POP1: variants seen among roughly 807,000 people sequenced by gnomAD.
POP1 encodes the protein ribonucleases P/MRP protein subunit POP1.
Under a neutral mutation model 102.2 loss-of-function variants are expected in POP1, and 75 were observed. The ratio of observed to expected loss-of-function variants is 0.73; its 90% CI spans 0.61 to 0.89. The LOEUF (loss-of-function observed/expected upper bound fraction) is 0.89. POP1 is among the 40% of genes least tolerant of loss of function. POP1 has a pLI of 0.00. For missense variants in POP1, 1,116 were observed against 1,267.4 expected, an observed-to-expected ratio of 0.88 and a Z score of 1.81; for synonymous variants, 436 against 464.1, an observed-to-expected ratio of 0.94 and a Z score of 0.78.
At chr8:98,120,480 T>A (rs1183710656) in intron 1 of POP1, among the ~76,000 whole-genome samples, 1 of 152,210 alleles carries the variant, frequency 6.6e-6, no homozygotes, top group African/African-American at 2.4e-5. Flanking sequence ...TTTGTTCATT[T>A]TTTTATTTTG....
chr8:98,140,640 A>G (rs1048979997), intron 10 of POP1, 129 bp from the exon 11 acceptor site: 4 of 890,428 alleles, frequency 4.5e-6, no homozygotes, highest in Non-Finnish European at 7.2e-6. Context: ...GAAGAGAGGG[A>G]ATACATGTTT....
At chr8:98,125,007 A>G (rs1202986190) in intron 2 of POP1, among the ~76,000 whole-genome samples, 1 of 152,180 alleles carries the variant, frequency 6.6e-6, no homozygotes, top group Non-Finnish European at 1.5e-5. Flanking sequence ...CTAGATTCAG[A>G]TCCTACAGTT....
In POP1 at chr8:98,134,631, G is replaced by C. The variant is rs1375224382; in HGVS notation, c.983G>C (p.Trp328Ser). The change falls in exon 7 of 16, where the codon TGG becomes TCG. Residue 328 changes from tryptophan (W) to serine (S), a missense_variant. Physicochemically the swap from Trp to Ser is radical, Grantham distance 177 (BLOSUM62 -3). Transcript: ENST00000401707. ...PGDPSESRQL[W>S]IWLHPTLKQD... ...GACCCTTCTGAGAGCAGGCAGCTGT[G>C]GATCTGGCTGCATCCAACCCTTAAA... 6.2e-7 allele frequency: 1 copy of C among 1,613,706 alleles called. No individual in the cohort carries two copies. The highest frequency in any genetic ancestry group is 2.2e-5 in the East Asian group (1 of 44,890).
chr8:98,124,179 G>A (rs1816123396), intron 2 of POP1, among the ~76,000 whole-genome samples: 1 of 152,208 alleles, frequency 6.6e-6, no homozygotes, highest in African/African-American at 2.4e-5. Context: ...GCAGCCTCAT[G>A]CAGGTCACTT....
chr8:98,121,489 A>G (rs1816017820), intron 1 of POP1, among the ~76,000 whole-genome samples: 1 of 147,794 alleles, frequency 6.8e-6, no homozygotes, highest in South Asian at 2.2e-4. Flanking sequence ...TACCTAATTT[A>G]TATAAAATTA....
chr8:98,130,956 C>A (rs1215109220), intron 5 of POP1, among the ~76,000 whole-genome samples: 1 of 152,222 alleles, frequency 6.6e-6, no homozygotes, highest in African/African-American at 2.4e-5. Flanking sequence ...TCTTCCAATA[C>A]ATACTTAGAC....
chr8:98,119,081 A>C (rs1815937769), intron 1 of POP1, among the ~76,000 whole-genome samples: 1 of 152,156 alleles, frequency 6.6e-6, no homozygotes, highest in South Asian at 2.1e-4. Context: ...AAGATGACAA[A>C]ATTCTTATTC....
Position 98,158,984 on chromosome 8 carries a change from G to T in POP1, c.*713G>T, listed in dbSNP as rs953573423. The T allele has an allele frequency of 2.0e-5, 3 of 152,028 alleles. No individual in the cohort carries two copies. The highest frequency in any genetic ancestry group is 7.2e-5 in the African/African-American group (3 of 41,382). The allele number at this position is 152,028 out of a possible 1,614,324, so 9.4% of individuals were successfully genotyped here. On this transcript the variant is annotated 3_prime_UTR_variant, in exon 16 of 16. Coordinates refer to ENST00000401707, the MANE Select transcript of POP1 (RefSeq NM_001145860.2). ...ATTATTATTATTTTGTTTCTGCAAA[G>T]ATTTTCTCAAAGCCATAGAGGAGCA...
intron 3 of POP1, 67 bp from the exon 4 acceptor site, chr8:98,128,298 C>T: frequency 6.7e-7 from 1 of 1,496,504 alleles, no homozygotes; most frequent in Non-Finnish European, 9.3e-7. Context: ...GTTTCCCCAG[C>T]AGCCTGTTTA....
At chr8:98,148,743 T>C in intron 12 of POP1, 72 bp from the exon 13 acceptor site, 2 of 1,334,044 alleles carry the variant, frequency 1.5e-6, no homozygotes, top group Non-Finnish European at 2.1e-6. Flanking sequence ...CTAAAGCTGC[T>C]TATAGGGAGA....
In POP1 at chr8:98,146,580, T is replaced by G; in HGVS notation, c.1607T>G (p.Val536Gly). 6.2e-7 allele frequency: 1 copy of G among 1,613,514 alleles called. No homozygotes were observed. Among genetic ancestry groups the G allele is most frequent in the Non-Finnish European group, 8.5e-7 (1 of 1,179,424 alleles). ...NPEKCQDNEK[V>G]RQLLLEGVPV... ...TTTTCCCTCTTAGATAATGAGAAAG[T>G]TAGACAGCTGCTTCTGGAGGGTGTG... The change falls in exon 12 of 16, where the codon GTT becomes GGT. Residue 536 changes from valine (V) to glycine (G), a missense_variant. Val to Gly is a moderately radical substitution (Grantham distance 109). Coordinates refer to ENST00000401707, the MANE Select transcript of POP1 (RefSeq NM_001145860.2).
intron 1 of POP1, among the ~76,000 whole-genome samples, chr8:98,118,553 G>C (rs1815916221): frequency 6.6e-6 from 1 of 152,084 alleles, no homozygotes; most frequent in Non-Finnish European, 1.5e-5. Flanking sequence ...AGCATCTCAA[G>C]TAGTTGGGAT....
chr8:98,132,084 T>C (rs2130594122), intron 5 of POP1, among the ~76,000 whole-genome samples: 1 of 152,350 alleles, frequency 6.6e-6, no homozygotes. Context: ...AGATATTTTC[T>C]CTAAAATTTG....
At chr8:98,154,163 G>A (rs915137647) in intron 14 of POP1, among the ~76,000 whole-genome samples, 4 of 152,232 alleles carry the variant, frequency 2.6e-5, no homozygotes, top group African/African-American at 9.6e-5. Flanking sequence ...TCTGTAAGAT[G>A]TAGAGGGCAC....
At chr8:98,146,809 G>A in intron 12 of POP1, 126 bp downstream of exon 12, 1 of 739,956 alleles carries the variant, frequency 1.4e-6, no homozygotes, top group Admixed American at 2.0e-5. Flanking sequence ...TTTCAAACAA[G>A]TTGTTGATCC....
chr8:98,142,374 G>C (rs771488805), intron 11 of POP1, among the ~76,000 whole-genome samples: 36 of 152,192 alleles, frequency 2.4e-4, no homozygotes, highest in Non-Finnish European at 2.1e-4. Context: ...TTTTAAAAGG[G>C]AAGGTACATG....
intron 14 of POP1, among the ~76,000 whole-genome samples, chr8:98,152,675 A>T (rs538046970): frequency 2.0e-5 from 3 of 152,376 alleles, no homozygotes; most frequent in African/African-American, 7.2e-5. Flanking sequence ...ACAGCAGGCC[A>T]CATTTGGCTT....
chr8:98,122,426 G>T (rs962154742), intron 1 of POP1, among the ~76,000 whole-genome samples: 1 of 152,152 alleles, frequency 6.6e-6, no homozygotes, highest in Non-Finnish European at 1.5e-5. Context: ...AATACCAGCT[G>T]CTCTGAGCTT....
intron 8 of POP1, 43 bp from the exon 9 acceptor site, chr8:98,136,818 G>A (rs377030362): frequency 1.2e-6 from 2 of 1,607,888 alleles, no homozygotes; most frequent in East Asian, 4.5e-5. Context: ...CACAGATGTT[G>A]TGTGATGAAA....
Sources: allele counts gnomAD v4.1 joint callset (sites outside exome capture counted in the v4.1 genomes callset), GRCh38; gene constraint gnomAD v4.1.1; transcripts MANE v1.5; gene names NCBI Gene and HGNC (gene_info 2026-07-23, HGNC 2026-07-21).